The following FBLN5 variants were observed in gnomAD, a reference collection of about 807,000 sequenced individuals.
The protein encoded by FBLN5 is fibulin 5.
In FBLN5, 24 loss-of-function variants were observed where a neutral mutation model predicts 61.6. The ratio of observed to expected loss-of-function variants is 0.39; its 90% CI spans 0.28 to 0.55. The LOEUF (loss-of-function observed/expected upper bound fraction) is 0.55. FBLN5 is among the 20% of genes least tolerant of loss of function. The pLI, the probability that FBLN5 is intolerant of heterozygous loss-of-function variation, is 0.65. For missense variants in FBLN5, 470 were observed against 594.1 expected, an observed-to-expected ratio of 0.79 and a Z score of 2.17; for synonymous variants, 213 against 219.8, an observed-to-expected ratio of 0.97 and a Z score of 0.27.
chr14:91,886,505 C>A (rs1227803111), intron 7 of FBLN5, among the ~76,000 whole-genome samples: 1 of 152,028 alleles, frequency 6.6e-6, no homozygotes, highest in Non-Finnish European at 1.5e-5. Context: ...TAATAGAGTC[C>A]ATAAACTAGT....
In FBLN5 at chr14:91,914,820, TTTTTGTTTTG is replaced by T. The variant is rs528736723; in HGVS notation, c.380-19758_380-19749del. 9.9e-5 allele frequency among the ~76,000 whole-genome samples: 15 copies of T among 151,892 alleles called. 1 individual carries two copies. The highest frequency in any genetic ancestry group is 1.5e-4 in the African/African-American group (6 of 41,332). On this transcript the variant is annotated intron_variant, in intron 4 of 10. Coordinates refer to ENST00000342058, the MANE Select transcript of FBLN5 (RefSeq NM_006329.4). ...TCTGGCAATATCTGTGTGGTTTTTT[TTTTTGTTTTG>T]TTTTGTTTTGTTTTGTTTTTTGTTT... is the stretch of plus-strand genomic sequence containing the variant.
At chr14:91,926,779 TCGGGGGGAGTGGA>T (rs1284260918) in intron 4 of FBLN5, among the ~76,000 whole-genome samples, 2 of 138,206 alleles carry the variant, frequency 1.4e-5, no homozygotes, top group Non-Finnish European at 3.1e-5. Flanking sequence ...GTGGAGTGGA[TCGGGGGGAGTGGA>T]CGGGGGGCAG....
chr14:91,945,573 G>A (rs868863835), intron 1 of FBLN5, among the ~76,000 whole-genome samples: 9 of 152,140 alleles, frequency 5.9e-5, no homozygotes, highest in African/African-American at 1.4e-4. Context: ...TACTACAAAC[G>A]TGCACCACAA....
In FBLN5 at chr14:91,946,195, G is replaced by C. The variant is rs540460383; in HGVS notation, c.17+1018C>G. ...ACAGCTGAGTCCTGGGGGCCAAACA[G>C]GTTCCAGGCTAATAGGATTTTCCTA... On this transcript the variant is annotated intron_variant, in intron 1 of 10. Coordinates refer to ENST00000342058, the MANE Select transcript of FBLN5 (RefSeq NM_006329.4). 2.6e-5 allele frequency among the ~76,000 whole-genome samples: 4 copies of C among 151,870 alleles called. No homozygotes were observed. The South Asian group carries it at 8.3e-4, about 32-fold the overall frequency.
chr14:91,926,561 G>A (rs2055831898), intron 4 of FBLN5, among the ~76,000 whole-genome samples: 1 of 152,194 alleles, frequency 6.6e-6, no homozygotes, highest in South Asian at 2.1e-4. Context: ...TGGAGACAGA[G>A]GGGGTGAAGT....
intron 9 of FBLN5, among the ~76,000 whole-genome samples, chr14:91,880,553 G>A (rs1889386362): frequency 6.6e-6 from 1 of 151,776 alleles, no homozygotes; most frequent in Admixed American, 6.6e-5. Context: ...GTGTGTGTGT[G>A]TGTGTGTGTT....
rs778085223 is a variant in FBLN5, at chr14:91,940,573, T to C, written c.116A>G (p.Gln39Arg). Reference protein sequence around the residue: ...NGFDLDRQSGQCLDIDECRTI... With the variant: ...NGFDLDRQSGRCLDIDECRTI... The stretch of plus-strand genomic sequence containing the variant: ...TCCACAGTGGCTCATACCTAAACAC[T>C]GTCCTGACTGGCGATCCAGGTCAAA... Residue 39 changes from glutamine (Q) to arginine (R), a missense_variant, in exon 3 of 11, where the codon CAG (glutamine) becomes CGG (arginine). Transcript: ENST00000342058. 4 of 1,613,928 alleles carry C rather than the reference T, an allele frequency of 2.5e-6. No individual in the cohort carries two copies. Among genetic ancestry groups the C allele is most frequent in the Admixed American group, 3.3e-5 (2 of 60,020 alleles).
chr14:91,881,280 G>A lies in FBLN5; in HGVS notation c.989+12C>T, dbSNP rs112013654. On this transcript the variant is annotated intron_variant, in intron 9 of 10. Transcript: ENST00000342058. ...TCAGGTTTCTATTCCCCAGGGGGAC[G>A]CCGTGACTTACTTATCACTGATCCT... The A allele has an allele frequency of 4.7e-5, 76 of 1,613,776 alleles. 1 individual carries two copies. Among genetic ancestry groups the A allele is most frequent in the African/African-American group, 1.6e-4 (12 of 75,008 alleles).
At chr14:91,926,461 T>C (rs546405035) in intron 4 of FBLN5, among the ~76,000 whole-genome samples, 21 of 152,218 alleles carry the variant, frequency 1.4e-4, no homozygotes, top group African/African-American at 4.8e-4. Context: ...AGAACGAAGG[T>C]ACCCAGGTAG....
intron 4 of FBLN5, among the ~76,000 whole-genome samples, chr14:91,914,376 G>A (rs920805810): frequency 1.3e-5 from 2 of 150,504 alleles, no homozygotes; most frequent in Admixed American, 6.7e-5. Context: ...TACTCAGGAG[G>A]CTGAGGCAGG....
At chr14:91,898,909 CT>C (rs1890339144) in intron 4 of FBLN5, among the ~76,000 whole-genome samples, 1 of 149,196 alleles carries the variant, frequency 6.7e-6, no homozygotes, top group Admixed American at 6.8e-5. Flanking sequence ...TCACACCACT[CT>C]TCTGCCTCAG....
chr14:91,889,590 C>T (rs943836455), intron 6 of FBLN5, among the ~76,000 whole-genome samples: 5 of 152,224 alleles, frequency 3.3e-5, no homozygotes, highest in South Asian at 4.1e-4. Flanking sequence ...CAAACACCTG[C>T]CTGCTGACCT....
intron 4 of FBLN5, among the ~76,000 whole-genome samples, chr14:91,910,177 G>A (rs753225719): frequency 6.6e-6 from 1 of 152,182 alleles, no homozygotes; most frequent in South Asian, 2.1e-4. Context: ...TCACATGAGG[G>A]AATATTGTTC....
chr14:91,934,992 C>T, intron 4 of FBLN5, among the ~76,000 whole-genome samples: 1 of 152,160 alleles, frequency 6.6e-6, no homozygotes. Context: ...ACCAGGAAAC[C>T]ATGGGGTGGG....
chr14:91,906,627 G>A (rs1426204308), intron 4 of FBLN5, among the ~76,000 whole-genome samples: 1 of 152,230 alleles, frequency 6.6e-6, no homozygotes, highest in Non-Finnish European at 1.5e-5. Flanking sequence ...ATGTTTACCT[G>A]GCTGAGGAAT....
At chr14:91,878,017 G>A (rs766767225) in intron 9 of FBLN5, 25 of 474,176 alleles carry the variant, frequency 5.3e-5, no homozygotes, top group South Asian at 2.4e-4. Flanking sequence ...CAGCCTGGGC[G>A]GCAGAGCAAG....
In FBLN5 at chr14:91,943,193, TA is replaced by T. The variant is rs779172779; in HGVS notation, c.18-233del. Among the ~76,000 whole-genome samples, 2 of 151,572 alleles carry T rather than the reference TA, an allele frequency of 1.3e-5. No individual in the cohort carries two copies. The highest frequency in any genetic ancestry group is 2.9e-5 in the Non-Finnish European group (2 of 67,900). On this transcript the variant is annotated intron_variant, in intron 1 of 10. Coordinates refer to ENST00000342058, the MANE Select transcript of FBLN5 (RefSeq NM_006329.4). This position sits in a 1 kb window ranked among gnomAD's most constrained non-coding sequence, Gnocchi z 4.0. Reference sequence around the variant, plus strand: ...TCATGTGTTAGATCACACTTTTTAATAAAGGGTTTGGCTGCTTCAAAAAAAA... The same window carrying T: ...TCATGTGTTAGATCACACTTTTTAATAAGGGTTTGGCTGCTTCAAAAAAAA...
chr14:91,892,664 T>C lies in FBLN5; in HGVS notation c.503-1327A>G, dbSNP rs150747735. Among the ~76,000 whole-genome samples the C allele has an allele frequency of 6.6e-3, 1,009 of 152,276 alleles. 6 individuals carry two copies. The highest frequency in any genetic ancestry group is 0.011 in the Non-Finnish European group (782 of 68,014). On this transcript the variant is annotated intron_variant, in intron 5 of 10. Coordinates refer to ENST00000342058, the MANE Select transcript of FBLN5 (RefSeq NM_006329.4). Reference sequence around the variant, plus strand: ...GCCCTGACTTCTTCCCAGAGTGCAGTTGGGCACATCACCAAGGCCAGGCAG... The same window carrying C: ...GCCCTGACTTCTTCCCAGAGTGCAGCTGGGCACATCACCAAGGCCAGGCAG...
chr14:91,944,964 CTCCCACCTCTAA>C (rs1555381046), intron 1 of FBLN5, among the ~76,000 whole-genome samples: 1 of 152,242 alleles, frequency 6.6e-6, no homozygotes, highest in Non-Finnish European at 1.5e-5. Context: ...GGCATGGTGG[CTCCCACCTCTAA>C]TCCCAGCACT....
Sources: gnomAD v4.1 joint callset for allele counts (sites outside exome capture counted in the v4.1 genomes callset) on GRCh38, gnomAD v4.1.1 for gene constraint, Gnocchi (gnomAD v3.1) non-coding constraint, MANE v1.5 for transcripts, NCBI Gene and HGNC (gene_info 2026-07-23, HGNC 2026-07-21) for gene names.